The following GRIA4 variants were observed in gnomAD, a reference collection of about 807,000 sequenced individuals.
GRIA4 encodes the protein glutamate ionotropic receptor AMPA type subunit 4.
In GRIA4, 34 loss-of-function variants were observed where a neutral mutation model predicts 104.0. The observed-to-expected ratio is 0.33, with a 90% CI of 0.25 to 0.44. The LOEUF (loss-of-function observed/expected upper bound fraction) is 0.44. Among genes scored for constraint, GRIA4 ranks in the 20% least tolerant of loss-of-function variants. The pLI, the probability that GRIA4 is intolerant of heterozygous loss-of-function variation, is 1.00. For synonymous variants in GRIA4, 386 were observed against 381.9 expected (o/e 1.01, Z -0.13); for missense variants, 750 against 1,096.5 (o/e 0.68, Z 4.46).
At chr11:105,752,958 G>A in intron 3 of GRIA4, 23 bp from the exon 4 acceptor site, 1 of 1,606,078 alleles carries the variant, frequency 6.2e-7, no homozygotes, top group Non-Finnish European at 8.5e-7. Context: ...ATAGTTTGTG[G>A]TGTTTTCTTC....
At chr11:105,638,833 T>C (rs1713177701) in intron 3 of GRIA4, among the ~76,000 whole-genome samples, 1 of 152,172 alleles carries the variant, frequency 6.6e-6, no homozygotes, top group Admixed American at 6.6e-5. Flanking sequence ...TGTCTCTTCC[T>C]TCCTCTTGCT....
chr11:105,670,290 G>A (rs1045915119), intron 3 of GRIA4, among the ~76,000 whole-genome samples: 12 of 151,988 alleles, frequency 7.9e-5, no homozygotes, highest in Non-Finnish European at 1.5e-4. Context: ...AATTTCCATG[G>A]ATACTTTACT....
chr11:105,800,672 A>G (rs1942682094), intron 4 of GRIA4, among the ~76,000 whole-genome samples: 1 of 152,078 alleles, frequency 6.6e-6, no homozygotes, highest in Admixed American at 6.6e-5. Flanking sequence ...TTATTCCTAA[A>G]TCATCTTCTT....
At chr11:105,921,306 G>GGTGGGT (rs1555048798) in intron 11 of GRIA4, among the ~76,000 whole-genome samples, 2 of 138,850 alleles carry the variant, frequency 1.4e-5, no homozygotes, top group African/African-American at 2.7e-5. Context: ...ACCACACTTG[G>GGTGGGT]GTGTGTGTGT....
In GRIA4 at chr11:105,862,441, C is replaced by T. The variant is rs567126647; in HGVS notation, c.672+233C>T. 6.0e-5 allele frequency: 24 copies of T among 398,186 alleles called. No homozygotes were observed. In the South Asian group the frequency reaches 7.4e-4, roughly 12 times the overall value. The allele number at this position is 398,186 out of a possible 1,614,324, so 24.7% of individuals were successfully genotyped here. A position where few individuals can be genotyped will look rare whatever the true frequency, so the allele number is the denominator to read the frequency against. On this transcript the variant is annotated intron_variant, in intron 5 of 16. Transcript: ENST00000282499. Reference sequence around the variant, plus strand: ...AGCTATTTCTCACATATTCTTAAGACTTGAATGAGTGAAAGACTCTGTGTG... The same window carrying T: ...AGCTATTTCTCACATATTCTTAAGATTTGAATGAGTGAAAGACTCTGTGTG...
intron 7 of GRIA4, among the ~76,000 whole-genome samples, chr11:105,902,648 C>G (rs189274332): frequency 2.6e-5 from 4 of 152,220 alleles, no homozygotes; most frequent in Admixed American, 2.6e-4. Context: ...AGTTTACTTT[C>G]TACAATTGGA....
intron 6 of GRIA4, among the ~76,000 whole-genome samples, chr11:105,897,318 CTT>C (rs1241207362): frequency 6.6e-6 from 1 of 152,024 alleles, no homozygotes; most frequent in Non-Finnish European, 1.5e-5. Context: ...CTGGAGGAGT[CTT>C]TAGGATTTTC....
chr11:105,765,357 A>G (rs1940883622), intron 4 of GRIA4, among the ~76,000 whole-genome samples: 1 of 152,178 alleles, frequency 6.6e-6, no homozygotes, highest in Non-Finnish European at 1.5e-5. Context: ...CAATAACAAC[A>G]GTAGAATTGC....
intron 3 of GRIA4, among the ~76,000 whole-genome samples, chr11:105,669,825 G>C (rs992710197): frequency 6.6e-6 from 1 of 152,064 alleles, no homozygotes; most frequent in Admixed American, 6.6e-5. Flanking sequence ...CATTTTTAAC[G>C]AATTCCCTTA....
At chr11:105,919,703 T>C (rs1179952827) in intron 11 of GRIA4, among the ~76,000 whole-genome samples, 1 of 152,168 alleles carries the variant, frequency 6.6e-6, no homozygotes, top group Non-Finnish European at 1.5e-5. Context: ...AAACTGGCAA[T>C]TATCACATGC....
At chr11:105,787,276 T>C (rs1942009894) in intron 4 of GRIA4, among the ~76,000 whole-genome samples, 1 of 152,110 alleles carries the variant, frequency 6.6e-6, no homozygotes, top group African/African-American at 2.4e-5. Context: ...TGAGCAATAG[T>C]GATTATTTTT....
In GRIA4 at chr11:105,810,042, A is replaced by G. The variant is rs1297991514; in HGVS notation, c.488-51982A>G. ...GTTGTTATCTGATTGATAACAATTC[A>G]TTGGTTTCTACTTTTTCTCAGTGTG... On this transcript the variant is annotated intron_variant, in intron 4 of 16. Transcript: ENST00000282499. Among the ~76,000 whole-genome samples the G allele has an allele frequency of 2.0e-5, 3 of 152,200 alleles. No individual in the cohort carries two copies. The East Asian group carries it at 5.8e-4, about 29-fold the overall frequency.
intron 5 of GRIA4, among the ~76,000 whole-genome samples, chr11:105,865,529 A>C (rs1282445792): frequency 6.6e-6 from 1 of 152,156 alleles, no homozygotes; most frequent in Non-Finnish European, 1.5e-5. Context: ...CCTTTCACCT[A>C]ATTTTCTTCC....
chr11:105,876,795 A>G (rs1263136453), intron 5 of GRIA4, among the ~76,000 whole-genome samples: 1 of 151,582 alleles, frequency 6.6e-6, no homozygotes, highest in African/African-American at 2.4e-5. Context: ...CTTTATTTTG[A>G]GCTTATATGT....
chr11:105,903,349 C>A (rs889501357), intron 7 of GRIA4, among the ~76,000 whole-genome samples: 1 of 152,204 alleles, frequency 6.6e-6, no homozygotes, highest in Non-Finnish European at 1.5e-5. Context: ...TACTTCAAGT[C>A]CATGAACTTA....
At chr11:105,928,669 T>C (rs1169125081) in intron 13 of GRIA4, among the ~76,000 whole-genome samples, 2 of 152,028 alleles carry the variant, frequency 1.3e-5, no homozygotes, top group African/African-American at 2.4e-5. Flanking sequence ...CTGATTGTCA[T>C]TTAAATAAAG....
intron 4 of GRIA4, among the ~76,000 whole-genome samples, chr11:105,850,615 A>T (rs960011883): frequency 2.6e-5 from 4 of 152,188 alleles, no homozygotes; most frequent in African/African-American, 9.6e-5. Context: ...ACCACAGGGC[A>T]GCACTCACAG....
intron 4 of GRIA4, among the ~76,000 whole-genome samples, chr11:105,782,948 A>G (rs546977696): frequency 6.6e-6 from 1 of 152,320 alleles, no homozygotes; most frequent in African/African-American, 2.4e-5. Context: ...ACATACGTAC[A>G]TACATACATA....
At chr11:105,897,467 G>A (rs1221353984) in intron 6 of GRIA4, among the ~76,000 whole-genome samples, 1 of 151,998 alleles carries the variant, frequency 6.6e-6, no homozygotes, top group Non-Finnish European at 1.5e-5. Context: ...GGTGAGAGTG[G>A]ACATCCTTGT....
Sources: gnomAD v4.1 joint callset for allele counts (sites outside exome capture counted in the v4.1 genomes callset) on GRCh38, gnomAD v4.1.1 for gene constraint, MANE v1.5 for transcripts, NCBI Gene and HGNC (gene_info 2026-07-23, HGNC 2026-07-21) for gene names.